INVS: variants seen among roughly 807,000 people sequenced by gnomAD.
INVS encodes the protein inversin.
Under a neutral mutation model 108.8 loss-of-function variants are expected in INVS, and 86 were observed. The observed-to-expected ratio is 0.79, with a 90% confidence interval of 0.66 to 0.95. The LOEUF (loss-of-function observed/expected upper bound fraction) is 0.95. Among genes scored for constraint, INVS ranks in the 40% least tolerant of loss-of-function variants. The pLI, the probability that INVS is intolerant of heterozygous loss-of-function variation, is 0.00. For missense variants in INVS, 1,169 were observed against 1,297.4 expected, an observed-to-expected ratio of 0.90 and a Z score of 1.52; for synonymous variants, 455 against 473.5, an observed-to-expected ratio of 0.96 and a Z score of 0.51.
intron 3 of INVS, among the ~76,000 whole-genome samples, chr9:100,200,008 A>G (rs1345538156): frequency 1.3e-5 from 2 of 152,140 alleles, no homozygotes; most frequent in Non-Finnish European, 2.9e-5. Context: ...CTTGTCTTCA[A>G]ATTTAATTAT....
intron 3 of INVS, chr9:100,131,812 T>C: frequency 5.2e-6 from 3 of 580,152 alleles, no homozygotes; most frequent in Non-Finnish European, 6.5e-6. Flanking sequence ...CATTGTCCTT[T>C]TTTTAAATTC....
chr9:100,277,570 G>A (rs1310185711), intron 12 of INVS, among the ~76,000 whole-genome samples: 2 of 152,146 alleles, frequency 1.3e-5, no homozygotes, highest in African/African-American at 4.8e-5. Flanking sequence ...TATGCATTTC[G>A]TGGGAGAGGA....
chr9:100,125,198 C>T (rs1384099778), intron 2 of INVS, among the ~76,000 whole-genome samples: 3 of 152,216 alleles, frequency 2.0e-5, no homozygotes, highest in Non-Finnish European at 4.4e-5. Context: ...GGGTAAAATA[C>T]TACCTCATTG....
At chr9:100,132,016 C>T in intron 3 of INVS, 1 of 329,262 alleles carries the variant, frequency 3.0e-6, no homozygotes, top group Non-Finnish European at 4.3e-6. Flanking sequence ...ACAATCCACG[C>T]CCCAGTCCCC....
rs781669059 is a variant in INVS, at chr9:100,273,084, T to G, written c.1784+8T>G. 5.0e-6 allele frequency: 8 copies of G among 1,612,178 alleles called. No individual in the cohort carries two copies. Among genetic ancestry groups the G allele is most frequent in the African/African-American group, 1.3e-5 (1 of 74,790 alleles). On this transcript the variant is annotated splice_region_variant and intron_variant, in intron 12 of 16. Transcript: ENST00000262457. ...AAAAGATGCTGCTGCCAAGTAAGTA[T>G]GAGCTACGCAGATTGCGTTTTCGCC...
chr9:100,157,721 T>C (rs1009648300), intron 3 of INVS, among the ~76,000 whole-genome samples: 1 of 152,228 alleles, frequency 6.6e-6, no homozygotes, highest in African/African-American at 2.4e-5. Context: ...AGCCAGACTT[T>C]CCTGCCACCC....
At chr9:100,294,468 G>C (rs919529000) in intron 14 of INVS, among the ~76,000 whole-genome samples, 4 of 152,156 alleles carry the variant, frequency 2.6e-5, no homozygotes, top group Non-Finnish European at 5.9e-5. Context: ...GTCTGTTTCA[G>C]CTCTTGGCCA....
chr9:100,189,584 G>A (rs995503135), intron 3 of INVS, among the ~76,000 whole-genome samples: 6 of 150,988 alleles, frequency 4.0e-5, no homozygotes, highest in African/African-American at 1.5e-4. Flanking sequence ...TCTCCACTAT[G>A]GTCTGAAAAG....
chr9:100,271,151 A>G (rs1331149992), intron 11 of INVS, among the ~76,000 whole-genome samples: 1 of 152,200 alleles, frequency 6.6e-6, no homozygotes, highest in Non-Finnish European at 1.5e-5. Flanking sequence ...CCTCCCCCAG[A>G]GGCATCACTG....
chr9:100,260,186 CTTTTTTTTT>C (rs372496395), intron 10 of INVS, among the ~76,000 whole-genome samples: 1 of 101,496 alleles, frequency 9.9e-6, no homozygotes, highest in Non-Finnish European at 2.0e-5. Context: ...ATTTTCTTTT[CTTTTTTTTT>C]TTTTTTTTTT....
At chr9:100,107,415 A>G (rs773302505) in intron 2 of INVS, among the ~76,000 whole-genome samples, 9 of 152,130 alleles carry the variant, frequency 5.9e-5, no homozygotes, top group Non-Finnish European at 1.2e-4. Context: ...TTCCTGCTCA[A>G]AATTCTTTCA....
intron 3 of INVS, among the ~76,000 whole-genome samples, chr9:100,192,471 A>C (rs1350545385): frequency 6.6e-6 from 1 of 152,204 alleles, no homozygotes; most frequent in Non-Finnish European, 1.5e-5. Context: ...GGTTGGTTAC[A>C]GTCTTTAGCT....
chr9:100,115,178 TAA>T (rs936813712), intron 2 of INVS, among the ~76,000 whole-genome samples: 1 of 152,220 alleles, frequency 6.6e-6, no homozygotes, highest in Non-Finnish European at 1.5e-5. Flanking sequence ...CATTATAGGT[TAA>T]GTTTACATTT....
At chr9:100,210,337 A>G (rs1830797486) in intron 3 of INVS, among the ~76,000 whole-genome samples, 1 of 152,218 alleles carries the variant, frequency 6.6e-6, no homozygotes, top group South Asian at 2.1e-4. Flanking sequence ...GCTTATGGGG[A>G]CAAATTGATT....
chr9:100,299,183 T>G (rs1377926346), intron 16 of INVS, among the ~76,000 whole-genome samples: 1 of 152,156 alleles, frequency 6.6e-6, no homozygotes, highest in Admixed American at 6.5e-5. Context: ...GCAACTTACT[T>G]GTCCTACACA....
At chr9:100,183,883 A>C (rs947899634) in intron 3 of INVS, among the ~76,000 whole-genome samples, 1 of 151,786 alleles carries the variant, frequency 6.6e-6, no homozygotes, top group Admixed American at 6.6e-5. Flanking sequence ...TTTAAAATTA[A>C]TATTGCTATT....
intron 3 of INVS, chr9:100,129,980 A>G (rs139944164): frequency 8.0e-6 from 3 of 375,272 alleles, no homozygotes; most frequent in Non-Finnish European, 1.5e-5. Context: ...AGATTCCTAA[A>G]CTGTGCTTGT....
intron 6 of INVS, among the ~76,000 whole-genome samples, chr9:100,240,831 A>C (rs191136854): frequency 8.6e-4 from 130 of 151,982 alleles, no homozygotes; most frequent in Non-Finnish European, 1.0e-3. Context: ...TTTTCAGCTT[A>C]ACGTTTTGTT....
chr9:100,127,405 T>C (rs1827921026), intron 3 of INVS, among the ~76,000 whole-genome samples: 1 of 152,118 alleles, frequency 6.6e-6, no homozygotes, highest in South Asian at 2.1e-4. Flanking sequence ...ATCAAACAGA[T>C]AAAATAGGAA....
Sources: allele counts gnomAD v4.1 joint callset (sites outside exome capture counted in the v4.1 genomes callset), GRCh38; gene constraint gnomAD v4.1.1; transcripts MANE v1.5; gene names NCBI Gene and HGNC (gene_info 2026-07-23, HGNC 2026-07-21).